GABBR2: variants seen among roughly 807,000 people sequenced by gnomAD.
The protein encoded by GABBR2 is gamma-aminobutyric acid type B receptor subunit 2.
Under a neutral mutation model 105.6 loss-of-function variants are expected in GABBR2, and 23 were observed. That is an observed-to-expected ratio of 0.22 (90% CI 0.16 to 0.31). The LOEUF (loss-of-function observed/expected upper bound fraction) is 0.31, where lower values mean the gene tolerates loss of function less well. Ranked by LOEUF, GABBR2 falls within the 10% of genes least tolerant of loss-of-function variation. The pLI, the probability that GABBR2 is intolerant of heterozygous loss-of-function variation, is 1.00. For synonymous variants in GABBR2, 478 were observed against 499.7 expected, an observed-to-expected ratio of 0.96 and a Z score of 0.58; for missense variants, 734 against 1,245.5, an observed-to-expected ratio of 0.59 and a Z score of 6.18.
intron 1 of GABBR2, among the ~76,000 whole-genome samples, chr9:98,600,792 G>A (rs901532992): frequency 9.2e-5 from 14 of 152,208 alleles, no homozygotes; most frequent in Admixed American, 2.6e-4. Flanking sequence ...CCACGGAACC[G>A]TGCCAGCCTC....
intron 2 of GABBR2, among the ~76,000 whole-genome samples, chr9:98,573,257 A>G (rs1564118474): frequency 1.3e-5 from 2 of 152,368 alleles, no homozygotes; most frequent in South Asian, 2.1e-4. Flanking sequence ...AGACTGGCAT[A>G]TAGAACAAAT....
At chr9:98,637,392 T>C (rs1212621992) in intron 1 of GABBR2, among the ~76,000 whole-genome samples, 1 of 152,216 alleles carries the variant, frequency 6.6e-6, no homozygotes, top group Non-Finnish European at 1.5e-5. Flanking sequence ...ATTTATTGAA[T>C]GCTTACTGTA....
At chr9:98,547,791 TG>T (rs1828424548) in intron 2 of GABBR2, among the ~76,000 whole-genome samples, 1 of 122,594 alleles carries the variant, frequency 8.2e-6, no homozygotes, top group Non-Finnish European at 1.8e-5. Flanking sequence ...GTGCTTTGCC[TG>T]GAATGTGGCT....
At chr9:98,382,746 T>G (rs767709437) in intron 11 of GABBR2, among the ~76,000 whole-genome samples, 20 of 152,190 alleles carry the variant, frequency 1.3e-4, no homozygotes, top group Non-Finnish European at 2.5e-4. Flanking sequence ...AGCAACCTTT[T>G]ATTCAGGCCT....
At chr9:98,461,773 G>C (rs944583162) in intron 6 of GABBR2, among the ~76,000 whole-genome samples, 1 of 152,166 alleles carries the variant, frequency 6.6e-6, no homozygotes, top group African/African-American at 2.4e-5. Flanking sequence ...CGTGGTGCTG[G>C]CATCTGCTTC....
chr9:98,514,730 C>T (rs1028877883), intron 3 of GABBR2, among the ~76,000 whole-genome samples: 13 of 151,698 alleles, frequency 8.6e-5, no homozygotes, highest in African/African-American at 2.2e-4. Flanking sequence ...AGCACACCAA[C>T]ATGGCACATG....
intron 13 of GABBR2, among the ~76,000 whole-genome samples, chr9:98,316,495 T>C (rs1436428142): frequency 6.6e-6 from 1 of 152,192 alleles, no homozygotes; most frequent in African/African-American, 2.4e-5. Flanking sequence ...TCTTTGGCAA[T>C]TGCCTAAGAA....
chr9:98,579,380 T>C (rs1588237006), intron 1 of GABBR2, among the ~76,000 whole-genome samples: 1 of 152,288 alleles, frequency 6.6e-6, no homozygotes, highest in African/African-American at 2.4e-5. Flanking sequence ...GATTCAGTTC[T>C]GGCTCACTCA....
At chr9:98,589,473 C>T (rs1033953823) in intron 1 of GABBR2, among the ~76,000 whole-genome samples, 5 of 152,156 alleles carry the variant, frequency 3.3e-5, no homozygotes, top group Non-Finnish European at 5.9e-5. Flanking sequence ...CATCATCTAA[C>T]AAACATCCTT....
rs767941134 is a variant in GABBR2 at position 98,299,294 on chromosome 9, G to T, written c.2472C>A (p.Thr824=). 1.2e-6 allele frequency: 2 copies of T among 1,613,802 alleles called. No homozygotes were observed. The highest frequency in any genetic ancestry group is 2.7e-5 in the African/African-American group (2 of 74,926). ...CTTGGTAGTGGTTCTGTTTAATGTA[G>T]GTGGTCTTTTCTGGTGTGTCCTGCA... is the stretch of plus-strand genomic sequence containing the variant. ...MQLQDTPEKT[T]YIKQNHYQEL... is the part of the protein sequence containing the mutation. The change falls in exon 17 of 19, where the codon ACC becomes ACA. Residue 824 remains threonine, a synonymous_variant. Coordinates refer to ENST00000259455, the MANE Select transcript of GABBR2 (RefSeq NM_005458.8).
intron 15 of GABBR2, 114 bp from the exon 16 acceptor site, chr9:98,303,537 G>A (rs1260756760): frequency 4.5e-6 from 4 of 892,410 alleles, no homozygotes; most frequent in East Asian, 4.9e-5. Flanking sequence ...AGAGGCCCCA[G>A]GAAAGCCACA....
chr9:98,529,332 C>G (rs1377492986), intron 3 of GABBR2, among the ~76,000 whole-genome samples: 1 of 152,214 alleles, frequency 6.6e-6, no homozygotes, highest in Admixed American at 6.5e-5. Context: ...GGGGTCAAGT[C>G]AAGAAGCACT....
At chr9:98,327,205 A>G (rs1312262562) in intron 13 of GABBR2, among the ~76,000 whole-genome samples, 1 of 152,220 alleles carries the variant, frequency 6.6e-6, no homozygotes, top group Non-Finnish European at 1.5e-5. Flanking sequence ...ATGGAAAGAA[A>G]ACATGGAAAC....
intron 11 of GABBR2, among the ~76,000 whole-genome samples, chr9:98,376,483 C>T (rs62576562): frequency 0.065 from 9,833 of 152,228 alleles, 427 homozygotes; most frequent in Non-Finnish European, 0.092. Context: ...CCTTTTACTT[C>T]ATTCTGACTG....
intron 1 of GABBR2, among the ~76,000 whole-genome samples, chr9:98,608,661 C>A (rs752379869): frequency 3.3e-5 from 5 of 152,126 alleles, no homozygotes; most frequent in African/African-American, 7.2e-5. Context: ...AAAAAAAACC[C>A]TATATGCTTA....
chr9:98,414,280 T>C (rs1832645296), intron 7 of GABBR2, among the ~76,000 whole-genome samples: 1 of 152,172 alleles, frequency 6.6e-6, no homozygotes, highest in Non-Finnish European at 1.5e-5. Flanking sequence ...CTGAAGGAGC[T>C]GGCTGAGCCG....
chr9:98,581,781 T>A (rs1373791145), intron 1 of GABBR2, among the ~76,000 whole-genome samples: 1 of 152,236 alleles, frequency 6.6e-6, no homozygotes, highest in Non-Finnish European at 1.5e-5. Flanking sequence ...ATGACAACGA[T>A]ACTACAGTAC....
intron 13 of GABBR2, among the ~76,000 whole-genome samples, chr9:98,336,563 G>T (rs1488592416): frequency 6.6e-6 from 1 of 152,104 alleles, no homozygotes; most frequent in East Asian, 1.9e-4. Context: ...AAATTAGCCA[G>T]GCATGGTGGC....
At chr9:98,472,003 C>T (rs1826692908) in intron 6 of GABBR2, among the ~76,000 whole-genome samples, 1 of 152,116 alleles carries the variant, frequency 6.6e-6, no homozygotes, top group African/African-American at 2.4e-5. Flanking sequence ...TAATGATTTG[C>T]CATTTCTTGA....
Sources: gnomAD v4.1 joint callset for allele counts (sites outside exome capture counted in the v4.1 genomes callset) on GRCh38, gnomAD v4.1.1 for gene constraint, MANE v1.5 for transcripts, NCBI Gene and HGNC (gene_info 2026-07-23, HGNC 2026-07-21) for gene names.